Variants in TERT observed in about 807,000 individuals in gnomAD.
TERT encodes telomerase catalytic subunit.
In TERT, 42 loss-of-function variants were observed where a neutral mutation model predicts 104.0. The observed-to-expected ratio is 0.40, with a 90% CI of 0.32 to 0.52. TERT has a LOEUF of 0.52. TERT is among the 20% of genes least tolerant of loss of function. The pLI is 0.43. For synonymous variants in TERT, 781 were observed against 725.6 expected, an observed-to-expected ratio of 1.08 and a Z score of -1.23; for missense variants, 1,101 against 1,610.3, an observed-to-expected ratio of 0.68 and a Z score of 5.41.
intron 13 of TERT, 136 bp downstream of exon 13, chr5:1,258,462 C>A (rs1747912782): frequency 3.8e-6 from 3 of 789,886 alleles, no homozygotes; most frequent in Non-Finnish European, 6.4e-6. Flanking sequence ...TGTGCACAGG[C>A]AGCAGCACCA....
At position 1,292,108 on chromosome 5, in the gene TERT, CT is replaced by C. The variant is rs1751029996; in HGVS notation, c.1573+1204del. 6.6e-6 allele frequency among the ~76,000 whole-genome samples: 1 copy of C among 152,084 alleles called. No homozygotes were observed. Among genetic ancestry groups the C allele is most frequent in the Non-Finnish European group, 1.5e-5 (1 of 68,022 alleles). ...GGAGTGCCAATCTCATGTTATATGA[CT>C]TTTGCCACCATAAAAAGAAAAAAAG... On this transcript the variant is annotated intron_variant, in intron 2 of 15. Coordinates refer to ENST00000310581, the MANE Select transcript of TERT (RefSeq NM_198253.3). The surrounding 1 kb of genome is among the most constrained non-coding windows in gnomAD (Gnocchi z 5.5).
rs1751274149 is a variant in TERT, at chr5:1,294,672, G to A, written c.220-6C>T. On this transcript the variant is annotated splice_region_variant and splice_polypyrimidine_tract_variant and intron_variant, in intron 1 of 15. Transcript: ENST00000310581. ...AGCTCCTTCAGGCAGGACACCTGCG[G>A]GGGAAGCGCCCTGAGTCGCCTGCGC... 1 of 1,593,188 alleles carries A rather than the reference G, an allele frequency of 6.3e-7. No homozygotes were observed. Among genetic ancestry groups the A allele is most frequent in the African/African-American group, 1.3e-5 (1 of 74,752 alleles).
intron 6 of TERT, among the ~76,000 whole-genome samples, chr5:1,277,879 G>A (rs952350735): frequency 6.6e-6 from 1 of 152,146 alleles, no homozygotes; most frequent in African/African-American, 2.4e-5. Context: ...GGCCTGGCAC[G>A]ACTTTGAGGG....
In TERT at chr5:1,265,595, T is replaced by C. The variant is rs898564080; in HGVS notation, c.2654+869A>G. 2.0e-5 allele frequency among the ~76,000 whole-genome samples: 3 copies of C among 151,820 alleles called. No homozygotes were observed. Among genetic ancestry groups the C allele is most frequent in the Admixed American group, 6.6e-5 (1 of 15,252 alleles). ...TTTAAATGTGCACAGCCTGCTGTGCTCCGGGCTGCGGCACAAGGAACGCCA... is the reference window on the plus strand; with the variant it reads ...TTTAAATGTGCACAGCCTGCTGTGCCCCGGGCTGCGGCACAAGGAACGCCA... On this transcript the variant is annotated intron_variant, in intron 10 of 15. Transcript: ENST00000310581. This position sits in a 1 kb window ranked among gnomAD's most constrained non-coding sequence, Gnocchi z 6.9.
At chr5:1,282,798 C>A (rs935208073) in intron 2 of TERT, 174 bp from the exon 3 acceptor site, 1 of 690,858 alleles carries the variant, frequency 1.4e-6, no homozygotes, top group East Asian at 2.8e-5. Context: ...GGCGACCTCA[C>A]CCTGGACCTG....
rs1749848939 is a variant in TERT, at chr5:1,279,351, C to T, written c.2070G>A (p.Trp690Ter). The T allele has an allele frequency of 6.3e-7, 1 of 1,580,548 alleles. No individual in the cohort carries two copies. The highest frequency in any genetic ancestry group is 8.6e-7 in the Non-Finnish European group (1 of 1,165,618). The change falls in exon 5 of 16, where the codon TGG becomes TGA. Residue 690 changes from tryptophan to a stop codon, truncating the protein, a stop_gained. Transcript: ENST00000310581. LOFTEE classifies it high-confidence loss of function. ...VLGLDDIHRAWRTFVLRVRAQ... is the reference protein window; with the variant it reads ...VLGLDDIHRA ...CCCGCACACGCAGCACGAAGGTGCG[C>T]CAGGCCCTGTGGATATCGTCCAGGC...
intron 2 of TERT, among the ~76,000 whole-genome samples, chr5:1,285,731 A>G (rs748903478): frequency 6.6e-5 from 10 of 151,570 alleles, no homozygotes; most frequent in African/African-American, 9.7e-5. Context: ...CACCACGCCC[A>G]GCTAATTTTT....
In TERT at chr5:1,262,967, G is replaced by A. The variant is rs1342549879; in HGVS notation, c.2843+1437C>T. Among the ~76,000 whole-genome samples, 1 of 152,214 alleles carries A rather than the reference G, an allele frequency of 6.6e-6. No homozygotes were observed. The highest frequency in any genetic ancestry group is 6.5e-5 in the Admixed American group (1 of 15,286). On this transcript the variant is annotated intron_variant, in intron 11 of 15. Coordinates refer to ENST00000310581, the MANE Select transcript of TERT (RefSeq NM_198253.3). This position sits in a 1 kb window ranked among gnomAD's most constrained non-coding sequence, Gnocchi z 5.6. ...ACAAAGCCAGTGGAGGCCAGGACCA[G>A]GTAAGGCTGTGAGAGGGAAGCAGGG...
At position 1,256,451 on chromosome 5, in the gene TERT, C is replaced by A. The variant is rs1471804216; in HGVS notation, c.3033-1040G>T. 6.7e-6 allele frequency among the ~76,000 whole-genome samples: 1 copy of A among 149,252 alleles called. No individual in the cohort carries two copies. The highest frequency in any genetic ancestry group is 1.5e-5 in the Non-Finnish European group (1 of 67,794). ...CAGAGCCCCCGTGTACCTGGTCTGACCCTCTGCCTGAGCCCCCCGTGTACC... is the reference window on the plus strand; with the variant it reads ...CAGAGCCCCCGTGTACCTGGTCTGAACCTCTGCCTGAGCCCCCCGTGTACC... On this transcript the variant is annotated intron_variant, in intron 13 of 15. Transcript: ENST00000310581. The surrounding 1 kb of genome is among the most constrained non-coding windows in gnomAD (Gnocchi z 7.0).
Position 1,254,510 on chromosome 5 carries a change from G to A in TERT, c.3158-5C>T, listed in dbSNP as rs776804142. The A allele has an allele frequency of 2.5e-6, 4 of 1,610,680 alleles. No individual in the cohort carries two copies. In the East Asian group the frequency reaches 8.9e-5, roughly 36 times the overall value. ...CCTTGGCCCCCAGCGACATCCCTGG[G>A]GGAAAACAGAGGCTGAGGAGTCACA... is the stretch of plus-strand genomic sequence containing the variant. On this transcript the variant is annotated splice_polypyrimidine_tract_variant and splice_region_variant and intron_variant, in intron 14 of 15. Transcript: ENST00000310581.
intron 6 of TERT, among the ~76,000 whole-genome samples, chr5:1,272,607 C>CCA (rs10701000): frequency 0.021 from 208 of 9,762 alleles, 18 homozygotes; most frequent in Non-Finnish European, 0.03. Flanking sequence ...TCCACAGTCA[C>CCA]CACATCAGAC....
chr5:1,271,725 G>A (rs765172746), intron 7 of TERT, among the ~76,000 whole-genome samples: 3 of 152,218 alleles, frequency 2.0e-5, no homozygotes, highest in Non-Finnish European at 2.9e-5. Flanking sequence ...ACCCAGCACT[G>A]AGAGGCCCGC....
At chr5:1,283,465 G>A (rs1750206964) in intron 2 of TERT, among the ~76,000 whole-genome samples, 1 of 144,262 alleles carries the variant, frequency 6.9e-6, no homozygotes, top group Non-Finnish European at 1.5e-5. Context: ...CGCAGGGCCT[G>A]GTGACCTCAC....
chr5:1,273,144 TCCACAGTCACCACATCAGACCCC>T, intron 6 of TERT, among the ~76,000 whole-genome samples: 1 of 8,408 alleles, frequency 1.2e-4, no homozygotes, highest in African/African-American at 5.1e-4. Context: ...ACGACCGCCA[TCCACAGTCACCACATCAGACCCC>T]ACGACCGCCA....
Position 1,295,021 on chromosome 5 carries a change from G to T in TERT, c.-32C>A. The T allele has an allele frequency of 7.9e-7, 1 of 1,272,574 alleles. No homozygotes were observed. Among genetic ancestry groups the T allele is most frequent in the Non-Finnish European group, 9.9e-7 (1 of 1,006,386 alleles). 78.8% of individuals were successfully genotyped at this position (1,272,574 alleles called of 1,614,324 possible). ...GGTGGCCGGGGCCAGGGCTTCCCAC[G>T]TGCGCAGCAGGACGCAGCGCTGCCT... On this transcript the variant is annotated 5_prime_UTR_variant, in exon 1 of 16. Transcript: ENST00000310581.
In TERT at chr5:1,293,755, G is replaced by A. The variant is rs1255789466; in HGVS notation, c.1131C>T (p.Arg377=). The change falls in exon 2 of 16, where the codon CGC becomes CGT. Residue 377 remains arginine (R), a synonymous_variant. Transcript: ENST00000310581. ...GSRPWMPGTP[R]RLPRLPQRYW... ...AGCGCTGGGGCAGGCGGGGCAACCT[G>A]CGGGGAGTCCCTGGCATCCAGGGCC... 1.3e-6 allele frequency: 2 copies of A among 1,559,450 alleles called. No homozygotes were observed. Among genetic ancestry groups the A allele is most frequent in the East Asian group, 4.7e-5 (2 of 42,128 alleles).
chr5:1,294,342 T>C lies in TERT; in HGVS notation c.544A>G (p.Thr182Ala), dbSNP rs878855305. 3.2e-6 allele frequency: 5 copies of C among 1,577,778 alleles called. No individual in the cohort carries two copies. Among genetic ancestry groups the C allele is most frequent in the Non-Finnish European group, 4.3e-6 (5 of 1,169,278 alleles). Residue 182 changes from threonine (T) to alanine (A), a missense_variant, in exon 2 of 16, where the codon ACT becomes GCT. Physicochemically the swap from Thr to Ala is moderately conservative, Grantham distance 58. This residue lies in a region of TERT where 504 missense variants were observed against 544.6 expected (regional missense o/e 0.93). Coordinates refer to ENST00000310581, the MANE Select transcript of TERT (RefSeq NM_198253.3). ...GCGTGTGGCGGGGGCCGGGCCTGAG[T>C]GGCAGCGCCGAGCTGGTACAGCGGC... The part of the protein sequence containing the change: ...GPPLYQLGAA[T>A]QARPPPHASG...
At chr5:1,259,542 C>T (rs1410513898) in intron 12 of TERT, among the ~76,000 whole-genome samples, 1 of 113,968 alleles carries the variant, frequency 8.8e-6, no homozygotes, top group African/African-American at 3.5e-5. Flanking sequence ...GGAGCAGACG[C>T]AGATGCCCAC....
intron 2 of TERT, among the ~76,000 whole-genome samples, chr5:1,283,425 C>A (rs1750200983): frequency 6.8e-6 from 1 of 146,934 alleles, no homozygotes; most frequent in Non-Finnish European, 1.5e-5. Flanking sequence ...CCCGGACCTG[C>A]ACCATCCAGA....
Sources: gnomAD v4.1 joint callset for allele counts (sites outside exome capture counted in the v4.1 genomes callset) on GRCh38, gnomAD v4.1.1 for gene constraint, gnomAD v4.1.1 regional missense constraint, Gnocchi (gnomAD v3.1) non-coding constraint, MANE v1.5 for transcripts, NCBI Gene and HGNC (gene_info 2026-07-23, HGNC 2026-07-21) for gene names.